FSHR: variants seen among roughly 807,000 people sequenced by gnomAD.
FSHR encodes the protein follicle stimulating hormone receptor.
In FSHR, 46 loss-of-function variants were observed where a neutral mutation model predicts 52.1. That is an observed-to-expected ratio of 0.88 (90% CI 0.70 to 1.13). FSHR has a LOEUF of 1.13. Among genes scored for constraint, FSHR ranks in the 50% most tolerant of loss-of-function variants. FSHR has a pLI of 0.00. For synonymous variants in FSHR, 399 were observed against 309.6 expected (o/e 1.29, Z -3.03); for missense variants, 964 against 834.6 (o/e 1.16, Z -1.91).
intron 6 of FSHR, among the ~76,000 whole-genome samples, chr2:48,987,924 C>T (rs1405659900): frequency 6.6e-6 from 1 of 151,654 alleles, no homozygotes; most frequent in African/African-American, 2.4e-5. Context: ...TATCACTCAC[C>T]TATAGCTTTT....
At chr2:49,095,871 T>C (rs192599571) in intron 1 of FSHR, among the ~76,000 whole-genome samples, 19 of 152,284 alleles carry the variant, frequency 1.2e-4, no homozygotes, top group African/African-American at 3.8e-4. Context: ...AGATGCTCAA[T>C]ATCATTAGTC....
chr2:49,014,648 T>C, intron 4 of FSHR: 1 of 268,392 alleles, frequency 3.7e-6, no homozygotes, highest in Non-Finnish European at 7.3e-6. Context: ...GGTCAAATTC[T>C]GAATCCCTTG....
chr2:49,135,465 A>C (rs369034484), intron 1 of FSHR, among the ~76,000 whole-genome samples: 1 of 152,322 alleles, frequency 6.6e-6, no homozygotes, highest in Non-Finnish European at 1.5e-5. Context: ...AGCTAAGGTC[A>C]TGCTTATAGA....
chr2:49,107,103 G>A (rs987939562), intron 1 of FSHR, among the ~76,000 whole-genome samples: 4 of 151,934 alleles, frequency 2.6e-5, no homozygotes, highest in African/African-American at 4.8e-5. Flanking sequence ...CAAACTCCTC[G>A]CCATTTATGA....
chr2:48,988,707 C>A (rs542636044), intron 6 of FSHR, among the ~76,000 whole-genome samples: 2 of 152,152 alleles, frequency 1.3e-5, no homozygotes, highest in Non-Finnish European at 2.9e-5. Flanking sequence ...GTTATTCTTT[C>A]CTTTGGAACA....
chr2:49,090,684 T>G (rs914592016), intron 1 of FSHR, among the ~76,000 whole-genome samples: 9 of 152,222 alleles, frequency 5.9e-5, no homozygotes, highest in African/African-American at 2.2e-4. Context: ...CATAAAAAGT[T>G]GCTAAGTTGT....
intron 1 of FSHR, among the ~76,000 whole-genome samples, chr2:49,102,496 A>G (rs1288081488): frequency 6.6e-6 from 1 of 152,128 alleles, no homozygotes; most frequent in Non-Finnish European, 1.5e-5. Flanking sequence ...CAAAAATGTG[A>G]GACTTGGTAA....
intron 2 of FSHR, among the ~76,000 whole-genome samples, chr2:49,049,670 C>T (rs548715529): frequency 2.0e-5 from 3 of 152,138 alleles, no homozygotes; most frequent in African/African-American, 7.2e-5. Flanking sequence ...GTTGTAATCC[C>T]TTTCAGCCAA....
rs187536080 is a variant in FSHR, at chr2:49,020,806, G to A, written c.225-646C>T. ...CCAGTCTCTTTTAAAATACACATAT[G>A]TTTGTTGGCCCCATTAATGTCTAAC... On this transcript the variant is annotated intron_variant, in intron 2 of 9. Transcript: ENST00000406846. 1.2e-3 allele frequency among the ~76,000 whole-genome samples: 188 copies of A among 152,252 alleles called. 1 individual carries two copies. Among genetic ancestry groups the A allele is most frequent in the Non-Finnish European group, 2.4e-3 (165 of 68,022 alleles).
At chr2:49,135,001 C>T (rs916498292) in intron 1 of FSHR, among the ~76,000 whole-genome samples, 1 of 152,196 alleles carries the variant, frequency 6.6e-6, no homozygotes, top group Admixed American at 6.5e-5. Flanking sequence ...AGCAGCATGG[C>T]ACATGTATAC....
At chr2:48,966,450 A>G (rs1674481584) in intron 9 of FSHR, among the ~76,000 whole-genome samples, 1 of 152,230 alleles carries the variant, frequency 6.6e-6, no homozygotes, top group South Asian at 2.1e-4. Flanking sequence ...ATCAGGTTCA[A>G]TGACAAATGA....
intron 1 of FSHR, among the ~76,000 whole-genome samples, chr2:49,069,024 C>G (rs1326484914): frequency 2.6e-5 from 4 of 152,100 alleles, no homozygotes; most frequent in Non-Finnish European, 5.9e-5. Flanking sequence ...TTAACCTCAG[C>G]TGACTTCAGC....
intron 1 of FSHR, among the ~76,000 whole-genome samples, chr2:49,119,454 C>T (rs1157691608): frequency 6.6e-6 from 1 of 151,800 alleles, no homozygotes; most frequent in East Asian, 1.9e-4. Context: ...ATGCTGGAAA[C>T]CTAAAATATT....
At chr2:49,019,564 A>G (rs1389942697) in intron 3 of FSHR, among the ~76,000 whole-genome samples, 1 of 152,230 alleles carries the variant, frequency 6.6e-6, no homozygotes, top group Non-Finnish European at 1.5e-5. Context: ...GCCAGTCAGT[A>G]TGCTAGATTT....
chr2:49,041,746 C>G (rs1475635991), intron 2 of FSHR, among the ~76,000 whole-genome samples: 1 of 151,962 alleles, frequency 6.6e-6, no homozygotes, highest in African/African-American at 2.4e-5. Context: ...AAGACAGACT[C>G]TCTCAGCCTT....
intron 1 of FSHR, among the ~76,000 whole-genome samples, chr2:49,097,247 A>AT (rs1043624835): frequency 5.3e-5 from 8 of 151,134 alleles, no homozygotes; most frequent in Non-Finnish European, 8.8e-5. Flanking sequence ...ATTTCTTTGA[A>AT]TTTTTTTTCA....
chr2:49,023,779 T>A (rs1325059823), intron 2 of FSHR, among the ~76,000 whole-genome samples: 1 of 152,138 alleles, frequency 6.6e-6, no homozygotes, highest in African/African-American at 2.4e-5. Flanking sequence ...GGAAGATGAC[T>A]TTTAAGGCCC....
chr2:49,013,489 T>TATATATATATAAATATATATATATATAA (rs1667361040), intron 4 of FSHR, among the ~76,000 whole-genome samples: 1 of 73,024 alleles, frequency 1.4e-5, no homozygotes, highest in African/African-American at 3.6e-5. Context: ...TAAATAAATA[T>TATATATATATAAATATATATATATATAA]ATATATATAT....
rs1403562059 is a variant in FSHR, at chr2:48,963,662, G to C, written c.1159C>G (p.Leu387Val). 1 of 1,614,126 alleles carries C rather than the reference G, an allele frequency of 6.2e-7. No individual in the cohort carries two copies. Among genetic ancestry groups the C allele is most frequent in the East Asian group, 2.2e-5 (1 of 44,872 alleles). ...GTGAGTTTATATTGGCTGGTAGTTA[G>C]GATCACTAGCACTATGATGTTCCCA... is the stretch of plus-strand genomic sequence containing the variant. Reference protein sequence around the residue: ...ITGNIIVLVILTTSQYKLTVP... With the variant: ...ITGNIIVLVIVTTSQYKLTVP... Residue 387 changes from leucine (L) to valine (V), a missense_variant, in exon 10 of 10, where the codon CTA (leucine) becomes GTA (valine). Leu to Val is a conservative substitution (Grantham distance 32). Transcript: ENST00000406846.
Sources: gnomAD v4.1 joint callset for allele counts (sites outside exome capture counted in the v4.1 genomes callset) on GRCh38, gnomAD v4.1.1 for gene constraint, MANE v1.5 for transcripts, NCBI Gene and HGNC (gene_info 2026-07-23, HGNC 2026-07-21) for gene names.